Variants in PRDM10 observed in about 807,000 individuals in gnomAD.
PRDM10 encodes the protein PR/SET domain 10.
PRDM10 carries 65 observed loss-of-function variants against 133.1 expected under a neutral mutation model. That is an observed-to-expected ratio of 0.49 (90% CI 0.40 to 0.60). The LOEUF (loss-of-function observed/expected upper bound fraction) is 0.60, where lower values mean the gene tolerates loss of function less well. Ranked by LOEUF, PRDM10 falls within the 20% of genes least tolerant of loss-of-function variation. The probability of loss-of-function intolerance (pLI) is 0.00; values close to 1 mark genes in which losing one functional copy is unlikely to be tolerated. For missense variants in PRDM10, 1,137 were observed against 1,507.1 expected, an observed-to-expected ratio of 0.75 and a Z score of 4.07; for synonymous variants, 582 against 580.4, an observed-to-expected ratio of 1.00 and a Z score of -0.04.
At chr11:129,957,991 T>A (rs1565495500) in intron 2 of PRDM10, 81 bp from the exon 3 acceptor site, 10 of 1,455,996 alleles carry the variant, frequency 6.9e-6, no homozygotes, top group East Asian at 2.3e-5. Context: ...TTCTAAAAGA[T>A]CCCCAATGAC....
At chr11:129,986,087 A>G (rs1477561256) in intron 1 of PRDM10, among the ~76,000 whole-genome samples, 1 of 151,992 alleles carries the variant, frequency 6.6e-6, no homozygotes, top group Non-Finnish European at 1.5e-5. Flanking sequence ...ACCAGAATGT[A>G]GATCTCCTCC....
At chr11:129,978,987 G>A (rs1191865458) in intron 1 of PRDM10, among the ~76,000 whole-genome samples, 1 of 152,202 alleles carries the variant, frequency 6.6e-6, no homozygotes, top group African/African-American at 2.4e-5. Flanking sequence ...ACATGAGGCT[G>A]AGACACTTGT....
intron 6 of PRDM10, among the ~76,000 whole-genome samples, chr11:129,943,188 G>C (rs1211538207): frequency 1.3e-5 from 2 of 152,080 alleles, no homozygotes; most frequent in African/African-American, 4.8e-5. Context: ...GAGAGGGCTG[G>C]GCAGAAACAA....
intron 20 of PRDM10, among the ~76,000 whole-genome samples, chr11:129,904,796 A>C (rs1949961661): frequency 6.6e-6 from 1 of 152,152 alleles, no homozygotes; most frequent in African/African-American, 2.4e-5. Flanking sequence ...CACTGAGCCC[A>C]GCCAAGAGTA....
At chr11:129,931,383 G>C (rs1401796190) in intron 10 of PRDM10, 125 bp from the exon 11 acceptor site, 4 of 1,317,468 alleles carry the variant, frequency 3.0e-6, no homozygotes, top group Admixed American at 5.2e-5. Context: ...CTCCCTCTGG[G>C]AAAGTTAATT....
chr11:129,951,674 G>A (rs554772719), intron 4 of PRDM10, among the ~76,000 whole-genome samples: 37 of 152,202 alleles, frequency 2.4e-4, no homozygotes, highest in Non-Finnish European at 4.0e-4. Context: ...AAACGACCAC[G>A]CTGGACAGCA....
chr11:129,919,626 A>G (rs1455912351), intron 13 of PRDM10, among the ~76,000 whole-genome samples: 1 of 152,172 alleles, frequency 6.6e-6, no homozygotes, highest in Admixed American at 6.5e-5. Context: ...CCCATCCTGA[A>G]TAAAAACAAA....
intron 1 of PRDM10, among the ~76,000 whole-genome samples, chr11:129,978,589 G>A (rs942515343): frequency 3.6e-4 from 55 of 152,312 alleles, no homozygotes; most frequent in African/African-American, 1.2e-3. Context: ...AGTGAAGCCC[G>A]TCGGGCAGGT....
At chr11:129,909,442 C>T (rs1453708991) in intron 19 of PRDM10, among the ~76,000 whole-genome samples, 12 of 150,752 alleles carry the variant, frequency 8.0e-5, no homozygotes, top group African/African-American at 2.9e-4. Flanking sequence ...AGAGCGAGAC[C>T]CCATCTCAAA....
At chr11:129,956,475 A>C (rs1033137731) in intron 3 of PRDM10, among the ~76,000 whole-genome samples, 3 of 152,124 alleles carry the variant, frequency 2.0e-5, no homozygotes, top group Non-Finnish European at 4.4e-5. Context: ...GAGACAGGAG[A>C]ATCACTTGAA....
At chr11:129,936,632 G>A (rs919999191) in intron 8 of PRDM10, among the ~76,000 whole-genome samples, 1 of 151,474 alleles carries the variant, frequency 6.6e-6, no homozygotes, top group Non-Finnish European at 1.5e-5. Flanking sequence ...CAGCCTCGGT[G>A]ACAGAGCAAG....
intron 9 of PRDM10, among the ~76,000 whole-genome samples, chr11:129,934,899 T>C (rs1950979023): frequency 6.6e-6 from 1 of 152,212 alleles, no homozygotes; most frequent in Non-Finnish European, 1.5e-5. Flanking sequence ...TTGCTGGGTA[T>C]TGGTTATGCT....
chr11:129,944,033 G>A (rs1330196879), intron 6 of PRDM10, among the ~76,000 whole-genome samples: 1 of 152,060 alleles, frequency 6.6e-6, no homozygotes, highest in East Asian at 1.9e-4. Context: ...AAATAAATAA[G>A]AAGGGGCGAT....
At chr11:129,904,787 A>G (rs1949961225) in intron 20 of PRDM10, among the ~76,000 whole-genome samples, 1 of 152,196 alleles carries the variant, frequency 6.6e-6, no homozygotes, top group Non-Finnish European at 1.5e-5. Context: ...GGCGTGAGCC[A>G]CTGAGCCCAG....
chr11:129,962,121 G>A (rs564449486), intron 1 of PRDM10, among the ~76,000 whole-genome samples: 4 of 152,200 alleles, frequency 2.6e-5, no homozygotes, highest in East Asian at 1.9e-4. Flanking sequence ...AGTGATTAGC[G>A]GCCAAATAAA....
rs1464016355 is a variant in PRDM10 at position 129,907,951 on chromosome 11, A to AT, written c.3164-2211dup. ...ACTAAAAAATTCAAAGGAAAAAAGA[A>AT]TTAGCCAAACATGGTGGTATGTGCC... On this transcript the variant is annotated intron_variant, in intron 19 of 20. Coordinates refer to ENST00000360871, the MANE Select transcript of PRDM10 (RefSeq NM_199437.2). 2.6e-5 allele frequency among the ~76,000 whole-genome samples: 4 copies of AT among 151,854 alleles called. No homozygotes were observed. In the East Asian group the frequency reaches 7.9e-4, roughly 30 times the overall value.
chr11:129,980,420 G>C (rs966264166), intron 1 of PRDM10, among the ~76,000 whole-genome samples: 1 of 152,082 alleles, frequency 6.6e-6, no homozygotes, highest in Non-Finnish European at 1.5e-5. Flanking sequence ...GTTGTGAACC[G>C]TGCATGTGAG....
intron 13 of PRDM10, among the ~76,000 whole-genome samples, chr11:129,922,406 C>T (rs539611261): frequency 4.9e-4 from 74 of 152,266 alleles, no homozygotes; most frequent in African/African-American, 1.5e-3. Flanking sequence ...GAGTTCTCTA[C>T]GGAATTCTAA....
intron 12 of PRDM10, among the ~76,000 whole-genome samples, chr11:129,924,660 T>C (rs2135786317): frequency 6.6e-6 from 1 of 152,352 alleles, no homozygotes; most frequent in South Asian, 2.1e-4. Context: ...TTATTACTTG[T>C]AACTTAAACA....
Sources: gnomAD v4.1 joint callset for allele counts (sites outside exome capture counted in the v4.1 genomes callset) on GRCh38, gnomAD v4.1.1 for gene constraint, MANE v1.5 for transcripts, NCBI Gene and HGNC (gene_info 2026-07-23, HGNC 2026-07-21) for gene names.